PREX2: variants seen among roughly 807,000 people sequenced by gnomAD.
The protein encoded by PREX2 is phosphatidylinositol 3,4,5-trisphosphate-dependent Rac exchanger 2 protein.
Under a neutral mutation model 203.2 loss-of-function variants are expected in PREX2, and 107 were observed. The ratio of observed to expected loss-of-function variants is 0.53; its 90% CI spans 0.45 to 0.62. PREX2 has a LOEUF of 0.62. Ranked by LOEUF, PREX2 falls within the 20% of genes least tolerant of loss-of-function variation. The pLI, the probability that PREX2 is intolerant of heterozygous loss-of-function variation, is 0.00. For synonymous variants in PREX2, 672 were observed against 663.6 expected, an observed-to-expected ratio of 1.01 and a Z score of -0.19; for missense variants, 1,777 against 1,955.9, an observed-to-expected ratio of 0.91 and a Z score of 1.72.
At chr8:68,013,790 T>C (rs1486585801) in intron 1 of PREX2, among the ~76,000 whole-genome samples, 1 of 152,184 alleles carries the variant, frequency 6.6e-6, no homozygotes, top group Non-Finnish European at 1.5e-5. Flanking sequence ...TCTGTAACCA[T>C]ATTAAATAGC....
intron 1 of PREX2, among the ~76,000 whole-genome samples, chr8:67,999,799 G>T (rs1429282073): frequency 6.6e-6 from 1 of 152,168 alleles, no homozygotes; most frequent in Non-Finnish European, 1.5e-5. Context: ...AGGATGCAAG[G>T]TTGGTTCAAC....
intron 25 of PREX2, among the ~76,000 whole-genome samples, chr8:68,114,899 A>C (rs983396254): frequency 2.6e-5 from 4 of 152,140 alleles, no homozygotes; most frequent in African/African-American, 9.7e-5. Context: ...GTGGGTTTTT[A>C]ATACTGAATA....
chr8:68,033,575 A>G (rs1348640985), intron 6 of PREX2, among the ~76,000 whole-genome samples: 1 of 152,184 alleles, frequency 6.6e-6, no homozygotes, highest in Non-Finnish European at 1.5e-5. Flanking sequence ...ACAGTGTCAG[A>G]CCTGAGAAGG....
chr8:67,963,359 A>G (rs1321159042), intron 1 of PREX2, among the ~76,000 whole-genome samples: 1 of 152,168 alleles, frequency 6.6e-6, no homozygotes, highest in Non-Finnish European at 1.5e-5. Flanking sequence ...TTTCTTATTA[A>G]GACCATGTCT....
intron 37 of PREX2, among the ~76,000 whole-genome samples, chr8:68,215,947 A>G (rs1812830017): frequency 1.3e-5 from 2 of 152,150 alleles, no homozygotes; most frequent in African/African-American, 4.8e-5. Flanking sequence ...TTGTTATCGG[A>G]CTCACACACT....
At chr8:68,196,149 C>T (rs1812389763) in intron 37 of PREX2, among the ~76,000 whole-genome samples, 1 of 151,956 alleles carries the variant, frequency 6.6e-6, no homozygotes. Context: ...CTTGTCTGTA[C>T]TCTGTTCAAC....
chr8:68,030,158 A>G (rs1171401232), intron 5 of PREX2, among the ~76,000 whole-genome samples: 1 of 152,196 alleles, frequency 6.6e-6, no homozygotes, highest in Non-Finnish European at 1.5e-5. Context: ...TGAAATTAAC[A>G]TATAAAGATG....
chr8:68,077,294 C>T (rs867200986), intron 14 of PREX2, 103 bp from the exon 15 acceptor site: 28 of 810,126 alleles, frequency 3.5e-5, no homozygotes, highest in Middle Eastern at 4.5e-4. Flanking sequence ...GCTTTATAAG[C>T]GAAGCTTTGT....
chr8:68,130,179 A>G lies in PREX2; in HGVS notation c.3766+2760A>G, dbSNP rs1810977397. On this transcript the variant is annotated intron_variant, in intron 31 of 39. Coordinates refer to ENST00000288368, the MANE Select transcript of PREX2 (RefSeq NM_024870.4). The stretch of plus-strand genomic sequence containing the variant: ...ATGGCACACACCTGCAGTCCCAGCT[A>G]TTTGGGAGGCCAAGGTAGGAGGATC... 2.6e-5 allele frequency among the ~76,000 whole-genome samples: 4 copies of G among 151,852 alleles called. No homozygotes were observed. The South Asian group carries it at 8.3e-4, about 32-fold the overall frequency.
chr8:68,173,605 T>C lies in PREX2; in HGVS notation c.4346+16169T>C, dbSNP rs544111422. 2.6e-5 allele frequency among the ~76,000 whole-genome samples: 4 copies of C among 152,302 alleles called. No homozygotes were observed. In the East Asian group the frequency reaches 7.7e-4, roughly 29 times the overall value. On this transcript the variant is annotated intron_variant, in intron 35 of 39. Coordinates refer to ENST00000288368, the MANE Select transcript of PREX2 (RefSeq NM_024870.4). ...ATTATAACTAATATCTATTTTACTT[T>C]CATGTTAGAAATTTTTAATGCAATT...
intron 1 of PREX2, among the ~76,000 whole-genome samples, chr8:68,005,901 C>T (rs1807080661): frequency 6.6e-6 from 1 of 152,132 alleles, no homozygotes; most frequent in South Asian, 2.1e-4. Context: ...CAGTGACTGT[C>T]TCATGCAATA....
intron 1 of PREX2, among the ~76,000 whole-genome samples, chr8:67,985,737 C>A (rs1473722001): frequency 6.6e-6 from 1 of 152,120 alleles, no homozygotes; most frequent in East Asian, 1.9e-4. Context: ...CCCTGCATGG[C>A]CAAACACAGT....
intron 4 of PREX2, among the ~76,000 whole-genome samples, 192 bp from the exon 5 acceptor site, chr8:68,027,030 C>G (rs1481988902): frequency 7.9e-5 from 12 of 151,968 alleles, no homozygotes; most frequent in Non-Finnish European, 1.8e-4. Context: ...GATACAGATT[C>G]AAAACACAGT....
At chr8:67,973,526 A>G (rs971490113) in intron 1 of PREX2, among the ~76,000 whole-genome samples, 2 of 152,098 alleles carry the variant, frequency 1.3e-5, no homozygotes, top group Admixed American at 6.6e-5. Flanking sequence ...TTGAATATCC[A>G]TACTCAGGAT....
chr8:68,151,781 A>G (rs1208130714), intron 34 of PREX2, among the ~76,000 whole-genome samples: 1 of 147,570 alleles, frequency 6.8e-6, no homozygotes, highest in Non-Finnish European at 1.5e-5. Flanking sequence ...TTAACCTCCT[A>G]TGAAAAAAAA....
chr8:67,961,465 C>G (rs1312862223), intron 1 of PREX2, among the ~76,000 whole-genome samples: 2 of 151,818 alleles, frequency 1.3e-5, no homozygotes, highest in African/African-American at 4.8e-5. Flanking sequence ...ATTATATTAG[C>G]TATATTAAAA....
In PREX2 at chr8:68,231,961, ATT is replaced by A. The variant is rs1485661592; in HGVS notation, c.*585_*586del. ...GCTTTACTCTTTCTCCTAAGGGCTT[ATT>A]TCTTATTAGAGGAGAAGAAAGCTGA... On this transcript the variant is annotated 3_prime_UTR_variant, in exon 40 of 40. Transcript: ENST00000288368. 6.6e-6 allele frequency: 1 copy of A among 152,212 alleles called. No homozygotes were observed. The highest frequency in any genetic ancestry group is 1.5e-5 in the Non-Finnish European group (1 of 68,038). The allele number at this position is 152,212 out of a possible 1,614,324, so 9.4% of individuals were successfully genotyped here. A position where few individuals can be genotyped will look rare whatever the true frequency, so the allele number is the denominator to read the frequency against.
At position 68,146,353 on chromosome 8, in the gene PREX2, G is replaced by A. The variant is rs749498111; in HGVS notation, c.4231+1G>A. On this transcript the variant is annotated splice_donor_variant, in intron 34 of 39. Transcript: ENST00000288368. LOFTEE classifies it high-confidence loss of function. Reference sequence around the variant, plus strand: ...ATTCATCCTGTTCTTTTTGCACAAGGTAAACTGTTTCTCTTTTGATGGCTG... The same window carrying A: ...ATTCATCCTGTTCTTTTTGCACAAGATAAACTGTTTCTCTTTTGATGGCTG... 6.2e-7 allele frequency: 1 copy of A among 1,609,294 alleles called. No homozygotes were observed. Among genetic ancestry groups the A allele is most frequent in the South Asian group, 1.1e-5 (1 of 89,970 alleles).
At chr8:67,989,664 C>T (rs1470260825) in intron 1 of PREX2, among the ~76,000 whole-genome samples, 1 of 152,152 alleles carries the variant, frequency 6.6e-6, no homozygotes, top group Admixed American at 6.5e-5. Context: ...AAAGTTGTCT[C>T]AGTATTACGT....
Sources: allele counts gnomAD v4.1 joint callset (sites outside exome capture counted in the v4.1 genomes callset), GRCh38; gene constraint gnomAD v4.1.1; transcripts MANE v1.5; gene names NCBI Gene and HGNC (gene_info 2026-07-23, HGNC 2026-07-21).